Variants in SIDT2 observed in about 807,000 individuals in gnomAD.
SIDT2 encodes the protein SID1 transmembrane family member 2, also known as SID1 transmembrane family, member 2.
SIDT2 carries 68 observed loss-of-function variants against 114.4 expected under a neutral mutation model. That is an observed-to-expected ratio of 0.59 (90% CI 0.49 to 0.73). The LOEUF is 0.73. SIDT2 is among the 30% of genes least tolerant of loss of function. The probability of loss-of-function intolerance (pLI) is 0.00; values close to 1 mark genes in which losing one functional copy is unlikely to be tolerated. For missense variants in SIDT2, 918 were observed against 1,097.1 expected (o/e 0.84, Z 2.31); for synonymous variants, 470 against 438.4 (o/e 1.07, Z -0.90).
chr11:117,195,552 CAGAA>C (rs1411279558), intron 24 of SIDT2, among the ~76,000 whole-genome samples: 14 of 152,030 alleles, frequency 9.2e-5, no homozygotes, highest in Non-Finnish European at 1.9e-4. Context: ...GGAAGAGAAT[CAGAA>C]GGAAGGAGGA....
At chr11:117,179,521 A>G in intron 1 of SIDT2, 75 bp downstream of exon 1, 1 of 1,505,132 alleles carries the variant, frequency 6.6e-7, no homozygotes, top group East Asian at 2.3e-5. Context: ...CCGCCCCGCT[A>G]CCCTTTTGGG....
intron 24 of SIDT2, 78 bp from the exon 25 acceptor site, chr11:117,195,724 G>C: frequency 6.7e-7 from 1 of 1,487,812 alleles, no homozygotes; most frequent in South Asian, 1.2e-5. Flanking sequence ...GGGTGCCCAG[G>C]AGCAAGATGG....
chr11:117,180,798 A>T (rs1307236706), intron 1 of SIDT2, among the ~76,000 whole-genome samples: 1 of 152,096 alleles, frequency 6.6e-6, no homozygotes, highest in East Asian at 1.9e-4. Flanking sequence ...GGCCTCCCAA[A>T]GTGCTACAAG....
At chr11:117,194,006 C>T (rs199965863) in intron 24 of SIDT2, 43 bp downstream of exon 24, 3 of 1,495,724 alleles carry the variant, frequency 2.0e-6, no homozygotes, top group East Asian at 4.5e-5. Flanking sequence ...AACAAGTGGC[C>T]AGTCCTCTTT....
rs981321063 is a variant in SIDT2 at position 117,179,169 on chromosome 11, G to C, written c.-95G>C. The C allele has an allele frequency of 8.2e-6, 10 of 1,215,292 alleles. No homozygotes were observed. The highest frequency in any genetic ancestry group is 1.1e-5 in the Non-Finnish European group (10 of 869,800). The allele number at this position is 1,215,292 out of a possible 1,614,324, so 75.3% of individuals were successfully genotyped here. A position where few individuals can be genotyped will look rare whatever the true frequency, so the allele number is the denominator to read the frequency against. On this transcript the variant is annotated 5_prime_UTR_variant, in exon 1 of 26. Coordinates refer to ENST00000324225, the MANE Select transcript of SIDT2 (RefSeq NM_001040455.2). ...TTCTGGTCCTGGTGAGATGCTGGAA[G>C]CTGCGGCCGCAGCCGCAACCCGTCC...
intron 8 of SIDT2, chr11:117,185,871 C>CA (rs34117588): frequency 0.011 from 1,984 of 180,344 alleles, 27 homozygotes; most frequent in African/African-American, 0.071. Context: ...GAGCCCGTCT[C>CA]AAAAAAAAAA....
At chr11:117,193,070 A>T in intron 22 of SIDT2, 83 bp from the exon 23 acceptor site, 1 of 1,475,512 alleles carries the variant, frequency 6.8e-7, no homozygotes, top group Non-Finnish European at 9.5e-7. Flanking sequence ...CAACATCATA[A>T]TAAAACATGC....
chr11:117,191,935 G>A lies in SIDT2; in HGVS notation c.1793G>A (p.Arg598Gln), dbSNP rs749620357. 7.4e-6 allele frequency: 12 copies of A among 1,613,994 alleles called. No individual in the cohort carries two copies. The highest frequency in any genetic ancestry group is 2.7e-5 in the African/African-American group (2 of 74,904). ...GLCMLKLYQK[R>Q]HPDINASAYS... ...TGCATGCTGAAGCTCTACCAGAAGC[G>A]GCACCCGGACATCAACGCCAGCGCC... is the stretch of plus-strand genomic sequence containing the variant. The change falls in exon 19 of 26, where the codon CGG (arginine) becomes CAG (glutamine). Residue 598 changes from arginine to glutamine, a missense_variant. Physicochemically the swap from Arg to Gln is conservative, Grantham distance 43. Transcript: ENST00000324225.
At chr11:117,186,289 C>A in intron 9 of SIDT2, 66 bp downstream of exon 9, 2 of 1,383,120 alleles carry the variant, frequency 1.4e-6, no homozygotes, top group Non-Finnish European at 2.1e-6. Flanking sequence ...GGCAGATCAC[C>A]TGGCAGGATC....
intron 1 of SIDT2, 24 bp downstream of exon 1, chr11:117,179,470 C>T (rs1266746885): frequency 3.8e-6 from 6 of 1,599,494 alleles, no homozygotes; most frequent in Non-Finnish European, 5.1e-6. Context: ...GCTTAGGGGC[C>T]AGAGGCGAGT....
Position 117,190,223 on chromosome 11 carries a change from G to C in SIDT2, c.1551G>C (p.Leu517=). 2.5e-6 allele frequency: 4 copies of C among 1,580,468 alleles called. No individual in the cohort carries two copies. Among genetic ancestry groups the C allele is most frequent in the Non-Finnish European group, 3.4e-6 (4 of 1,163,454 alleles). The stretch of plus-strand genomic sequence containing the variant: ...ACATCCTGCTGGGGCTGCTTTTCCT[G>C]CTCATCATCCTGCAACGGGAGATCA... ...LGYILLGLLF[L]LIILQREINH... is the part of the protein sequence containing the mutation. The change falls in exon 17 of 26, where the codon CTG becomes CTC. Residue 517 remains leucine, a synonymous_variant. Coordinates refer to ENST00000324225, the MANE Select transcript of SIDT2 (RefSeq NM_001040455.2). This position sits in a 1 kb window ranked among gnomAD's most constrained non-coding sequence, Gnocchi z 4.1.
chr11:117,193,324 G>A, intron 23 of SIDT2, 66 bp downstream of exon 23: 1 of 1,345,274 alleles, frequency 7.4e-7, no homozygotes, highest in Non-Finnish European at 1.0e-6. Flanking sequence ...GATGGGCCCG[G>A]CAGCATTGAG....
chr11:117,179,090 C>G lies in SIDT2; in HGVS notation c.-174C>G. On this transcript the variant is annotated 5_prime_UTR_variant, in exon 1 of 26. Coordinates refer to ENST00000324225, the MANE Select transcript of SIDT2 (RefSeq NM_001040455.2). ...CCCTCCCCTGCGGGGACCCTGGGAG[C>G]CTCTTCGGGGCTCTTGGGAGGGGAC... 3.0e-6 allele frequency: 2 copies of G among 672,878 alleles called. No homozygotes were observed. The highest frequency in any genetic ancestry group is 4.9e-6 in the Non-Finnish European group (2 of 406,348). 41.7% of individuals were successfully genotyped at this position (672,878 alleles called of 1,614,324 possible).
rs757040088 is a variant in SIDT2 at position 117,190,586 on chromosome 11, C to A, written c.1618-37C>A. 6.6e-7 allele frequency: 1 copy of A among 1,515,918 alleles called. No individual in the cohort carries two copies. The highest frequency in any genetic ancestry group is 9.0e-7 in the Non-Finnish European group (1 of 1,113,286). 93.9% of individuals were successfully genotyped at this position (1,515,918 alleles called of 1,614,324 possible). The stretch of plus-strand genomic sequence containing the variant: ...GGTCCCTTCTTCCCTTCCTGCCTCA[C>A]TTCCTCCCTCCCTTCCCTTCTCTCT... On this transcript the variant is annotated intron_variant, in intron 17 of 25. Transcript: ENST00000324225. The surrounding 1 kb of genome is among the most constrained non-coding windows in gnomAD (Gnocchi z 4.1).
In SIDT2 at chr11:117,190,028, G is replaced by C; in HGVS notation, c.1493+3G>C. The C allele has an allele frequency of 6.2e-7, 1 of 1,614,142 alleles. No individual in the cohort carries two copies. Among genetic ancestry groups the C allele is most frequent in the Non-Finnish European group, 8.5e-7 (1 of 1,180,020 alleles). On this transcript the variant is annotated splice_donor_region_variant and intron_variant, in intron 16 of 25. Coordinates refer to ENST00000324225, the MANE Select transcript of SIDT2 (RefSeq NM_001040455.2). This position sits in a 1 kb window ranked among gnomAD's most constrained non-coding sequence, Gnocchi z 4.1. ...GCCCACCCACTGGGCAATCTCAGGT[G>C]GGGGTCATGCTGGGAGGCCCCTTGT...
At chr11:117,186,481 A>C in intron 9 of SIDT2, 103 bp from the exon 10 acceptor site, 3 of 1,171,752 alleles carry the variant, frequency 2.6e-6, no homozygotes, top group Non-Finnish European at 3.7e-6. Context: ...GGACAGGGTC[A>C]TAGCGATGAG....
rs150018565 is a variant in SIDT2 at position 117,181,469 on chromosome 11, G to A, written c.237G>A (p.Pro79=). Residue 79 remains proline, a synonymous_variant, in exon 2 of 26, where the codon CCG becomes CCA. Coordinates refer to ENST00000324225, the MANE Select transcript of SIDT2 (RefSeq NM_001040455.2). ...TCCTGAACAAGCAGAAGGGGGCGCC[G>A]TTGCTGTTTGTGGTCCGCCAGAAGG... ...VNVLNKQKGA[P]LLFVVRQKEA... 3.5e-5 allele frequency: 57 copies of A among 1,613,790 alleles called. No individual in the cohort carries two copies. The African/African-American group carries it at 7.2e-4, about 20-fold the overall frequency.
At position 117,187,443 on chromosome 11, in the gene SIDT2, T is replaced by A; in HGVS notation, c.1081T>A (p.Ser361Thr). 6.2e-7 allele frequency: 1 copy of A among 1,614,056 alleles called. No homozygotes were observed. The highest frequency in any genetic ancestry group is 8.5e-7 in the Non-Finnish European group (1 of 1,179,978). Reference sequence around the variant, plus strand: ...CCCTTATGAGGGTTACAACTATGGCTCCTTTGGTACGTGTCAAAGCCAGCA... The same window carrying A: ...CCCTTATGAGGGTTACAACTATGGCACCTTTGGTACGTGTCAAAGCCAGCA... ...SSPYEGYNYG[S>T]FENVSGSTDG... Residue 361 changes from serine to threonine, a missense_variant, in exon 11 of 26, where the codon TCC (serine) becomes ACC (threonine). Coordinates refer to ENST00000324225, the MANE Select transcript of SIDT2 (RefSeq NM_001040455.2).
At chr11:117,187,084 C>T (rs915391379) in intron 10 of SIDT2, 8 of 1,445,898 alleles carry the variant, frequency 5.5e-6, no homozygotes, top group South Asian at 2.4e-5. Context: ...CTGGAGGGCT[C>T]GTGGGCGGGC....
Sources: gnomAD v4.1 joint callset for allele counts (sites outside exome capture counted in the v4.1 genomes callset) on GRCh38, gnomAD v4.1.1 for gene constraint, Gnocchi (gnomAD v3.1) non-coding constraint, MANE v1.5 for transcripts, NCBI Gene and HGNC (gene_info 2026-07-23, HGNC 2026-07-21) for gene names.